PSD3: variants seen among roughly 807,000 people sequenced by gnomAD.
PSD3 encodes pleckstrin and Sec7 domain containing 3.
A neutral mutation model predicts 105.5 loss-of-function variants in PSD3; 49 were observed. The ratio of observed to expected loss-of-function variants is 0.46; its 90% CI spans 0.37 to 0.59. The LOEUF (loss-of-function observed/expected upper bound fraction) is 0.59. PSD3 is among the 20% of genes least tolerant of loss of function. The probability of loss-of-function intolerance (pLI) is 0.00; values close to 1 mark genes in which losing one functional copy is unlikely to be tolerated. For synonymous variants in PSD3, 557 were observed against 457.8 expected, an observed-to-expected ratio of 1.22 and a Z score of -2.77; for missense variants, 1,561 against 1,263.8, an observed-to-expected ratio of 1.24 and a Z score of -3.57.
chr8:18,898,401 C>G (rs1288719583), intron 2 of PSD3, among the ~76,000 whole-genome samples: 1 of 152,088 alleles, frequency 6.6e-6, no homozygotes, highest in Admixed American at 6.5e-5. Context: ...TCTGTTTTAT[C>G]TGATATAGGA....
intron 11 of PSD3, among the ~76,000 whole-genome samples, chr8:18,611,063 T>C (rs1172028324): frequency 2.0e-5 from 3 of 152,200 alleles, no homozygotes; most frequent in East Asian, 1.9e-4. Flanking sequence ...GGCAGTAACA[T>C]AAACAATGAA....
intron 1 of PSD3, among the ~76,000 whole-genome samples, chr8:18,986,733 A>C (rs1416916838): frequency 6.6e-6 from 1 of 152,178 alleles, no homozygotes; most frequent in African/African-American, 2.4e-5. Context: ...CAACGGGCTA[A>C]CGTAGCCATT....
At position 18,535,575 on chromosome 8, in the gene PSD3, G is replaced by A. The variant is rs894503248; in HGVS notation, c.*168C>T. On this transcript the variant is annotated 3_prime_UTR_variant, in exon 16 of 16. Coordinates refer to ENST00000327040, the MANE Select transcript of PSD3 (RefSeq NM_015310.4). ...ATCATCAAAGCAAAAGAAATCAAGA[G>A]CAAAGACAATCTGTACAGAAACTAA... 1.6e-6 allele frequency: 1 copy of A among 628,352 alleles called. No individual in the cohort carries two copies. The highest frequency in any genetic ancestry group is 2.7e-6 in the Non-Finnish European group (1 of 368,016). The allele number at this position is 628,352 out of a possible 1,614,324, so 38.9% of individuals were successfully genotyped here.
At chr8:18,704,454 C>CA (rs1801772283) in intron 9 of PSD3, among the ~76,000 whole-genome samples, 1 of 152,174 alleles carries the variant, frequency 6.6e-6, no homozygotes, top group African/African-American at 2.4e-5. Context: ...TCTCCTGTCT[C>CA]ACCCTCCCCA....
At chr8:18,560,199 C>T (rs1229983876) in intron 14 of PSD3, among the ~76,000 whole-genome samples, 2 of 151,582 alleles carry the variant, frequency 1.3e-5, no homozygotes, top group Non-Finnish European at 2.9e-5. Context: ...CACACACACA[C>T]ACACACACAC....
At chr8:18,724,436 A>AC (rs1339635910) in intron 9 of PSD3, among the ~76,000 whole-genome samples, 2 of 151,912 alleles carry the variant, frequency 1.3e-5, no homozygotes, top group Admixed American at 1.3e-4. Context: ...ACATAGCGAG[A>AC]CCCCCATCTC....
intron 1 of PSD3, among the ~76,000 whole-genome samples, chr8:18,989,707 C>A (rs1333745422): frequency 6.6e-6 from 1 of 152,206 alleles, no homozygotes; most frequent in African/African-American, 2.4e-5. Flanking sequence ...AATATCCTAA[C>A]AAATGGCACT....
intron 3 of PSD3, among the ~76,000 whole-genome samples, chr8:18,871,224 G>A (rs1252355124): frequency 6.6e-6 from 1 of 152,188 alleles, no homozygotes; most frequent in Non-Finnish European, 1.5e-5. Flanking sequence ...AAGGTTGGAA[G>A]TACCAGCTAT....
chr8:18,759,997 C>T (rs536287436), intron 9 of PSD3, among the ~76,000 whole-genome samples: 4 of 151,092 alleles, frequency 2.6e-5, no homozygotes, highest in Admixed American at 6.6e-5. Context: ...CGCAGCTTTT[C>T]TGTTACAAAC....
intron 9 of PSD3, among the ~76,000 whole-genome samples, chr8:18,745,614 T>G (rs1008468419): frequency 6.6e-6 from 1 of 152,184 alleles, no homozygotes; most frequent in African/African-American, 2.4e-5. Context: ...ATTAATTCAT[T>G]TTACTGGTGA....
chr8:18,875,914 G>A (rs1438892300), intron 2 of PSD3, among the ~76,000 whole-genome samples: 1 of 152,094 alleles, frequency 6.6e-6, no homozygotes, highest in Non-Finnish European at 1.5e-5. Flanking sequence ...GCTTTTCTCA[G>A]CCCCTGGTAA....
At chr8:18,899,960 A>C (rs1819399738) in intron 2 of PSD3, among the ~76,000 whole-genome samples, 1 of 152,046 alleles carries the variant, frequency 6.6e-6, no homozygotes, top group South Asian at 2.1e-4. Flanking sequence ...CCTTACTAAT[A>C]AATGTCCTTT....
rs1203930213 is a variant in PSD3 at position 18,872,695 on chromosome 8, T to C, written c.169A>G (p.Thr57Ala). ...GTCCCATATTCTGGAAATTCATTTGTGACATTTGGTGGGAGTAAAGTGCTT... is the reference window on the plus strand; with the variant it reads ...GTCCCATATTCTGGAAATTCATTTGCGACATTTGGTGGGAGTAAAGTGCTT... ...GGSTLLPPNV[T>A]NEFPEYGTME... Residue 57 changes from threonine to alanine, a missense_variant, in exon 3 of 16, where the codon ACA (threonine) becomes GCA (alanine). Physicochemically the swap from Thr to Ala is moderately conservative, Grantham distance 58. Coordinates refer to ENST00000327040, the MANE Select transcript of PSD3 (RefSeq NM_015310.4). 1 of 1,583,792 alleles carries C rather than the reference T, an allele frequency of 6.3e-7. No individual in the cohort carries two copies.
chr8:18,704,757 T>G (rs1233724137), intron 9 of PSD3, among the ~76,000 whole-genome samples: 1 of 152,106 alleles, frequency 6.6e-6, no homozygotes, highest in East Asian at 1.9e-4. Context: ...CATTCATGTC[T>G]TTGTCCAGCT....
chr8:18,828,393 T>TTA (rs1334309500), intron 4 of PSD3, among the ~76,000 whole-genome samples: 1 of 152,128 alleles, frequency 6.6e-6, no homozygotes. Context: ...TCAAGTTCAT[T>TTA]TATACGTTAC....
chr8:19,039,841 C>T (rs1430988201), intron 1 of PSD3, among the ~76,000 whole-genome samples: 1 of 152,218 alleles, frequency 6.6e-6, no homozygotes, highest in Non-Finnish European at 1.5e-5. Flanking sequence ...AAAGTCCCCT[C>T]CATCATGGGG....
chr8:19,072,535 G>A (rs1300067850), intron 1 of PSD3, among the ~76,000 whole-genome samples: 10 of 152,188 alleles, frequency 6.6e-5, no homozygotes, highest in Middle Eastern at 3.4e-3. Context: ...AATACATTTC[G>A]TCTTTCTATT....
chr8:18,743,553 A>G (rs12548270), intron 9 of PSD3, among the ~76,000 whole-genome samples: 31,932 of 152,038 alleles, frequency 0.21, 3,997 homozygotes, highest in East Asian at 0.4. Context: ...TCCCACATTT[A>G]CTGATCTCTA....
At chr8:19,078,215 A>C (rs1185505072) in intron 1 of PSD3, among the ~76,000 whole-genome samples, 1 of 152,098 alleles carries the variant, frequency 6.6e-6, no homozygotes, top group Non-Finnish European at 1.5e-5. Flanking sequence ...AAAGTCTTTC[A>C]AAGATAAAAT....
Sources: allele counts gnomAD v4.1 joint callset (sites outside exome capture counted in the v4.1 genomes callset), GRCh38; gene constraint gnomAD v4.1.1; transcripts MANE v1.5; gene names NCBI Gene and HGNC (gene_info 2026-07-23, HGNC 2026-07-21).